ZNF385D: variants seen among roughly 807,000 people sequenced by gnomAD.
ZNF385D encodes the protein zinc finger protein 385D, also known as zinc finger protein 659.
In ZNF385D, 15 loss-of-function variants were observed where a neutral mutation model predicts 35.8. The observed-to-expected ratio is 0.42, with a 90% CI of 0.28 to 0.64. The LOEUF (loss-of-function observed/expected upper bound fraction) is 0.64, where lower values mean the gene tolerates loss of function less well. Ranked by LOEUF, ZNF385D falls within the 30% of genes least tolerant of loss-of-function variation. The pLI is 0.23. For synonymous variants in ZNF385D, 212 were observed against 186.8 expected (o/e 1.13, Z -1.10); for missense variants, 474 against 494.6 (o/e 0.96, Z 0.39).
intron 3 of ZNF385D, among the ~76,000 whole-genome samples, chr3:22,127,219 T>A (rs1576365360): frequency 6.6e-6 from 1 of 151,960 alleles, no homozygotes; most frequent in Non-Finnish European, 1.5e-5. Flanking sequence ...TTGTTATTTC[T>A]TTTCTGGTTG....
At chr3:21,914,381 C>CTTTTTTTT (rs5847151) in intron 3 of ZNF385D, among the ~76,000 whole-genome samples, 1 of 138,732 alleles carries the variant, frequency 7.2e-6, no homozygotes, top group Non-Finnish European at 1.6e-5. Context: ...TTTTGTTTGA[C>CTTTTTTTT]TTTTTTTTTT....
chr3:21,956,422 A>G (rs1702291776), intron 3 of ZNF385D, among the ~76,000 whole-genome samples: 1 of 140,840 alleles, frequency 7.1e-6, no homozygotes, highest in African/African-American at 2.5e-5. Context: ...TTAAAATGAT[A>G]AAGTTTGAGT....
chr3:22,144,400 C>A (rs1427468755), intron 3 of ZNF385D, among the ~76,000 whole-genome samples: 1 of 151,396 alleles, frequency 6.6e-6, no homozygotes, highest in Non-Finnish European at 1.5e-5. Context: ...AGGGTGAAAC[C>A]CCCTCTCTAT....
chr3:22,149,893 T>G (rs7629585), intron 3 of ZNF385D, among the ~76,000 whole-genome samples: 3,726 of 152,292 alleles, frequency 0.024, 163 homozygotes, highest in African/African-American at 0.085. Context: ...AAGTATTTTT[T>G]GTATGTAAGA....
intron 2 of ZNF385D, among the ~76,000 whole-genome samples, chr3:21,573,800 A>G (rs1006833621): frequency 1.8e-4 from 27 of 152,078 alleles, no homozygotes; most frequent in Non-Finnish European, 4.4e-5. Flanking sequence ...TGGCTCACCC[A>G]TGTAATCCCA....
intron 2 of ZNF385D, among the ~76,000 whole-genome samples, chr3:22,173,579 G>C (rs1015143986): frequency 9.2e-5 from 14 of 152,174 alleles, no homozygotes; most frequent in Non-Finnish European, 1.3e-4. Context: ...GGAAAGAACT[G>C]AGAAAGAAAC....
At chr3:22,169,314 T>C (rs900217690) in intron 2 of ZNF385D, among the ~76,000 whole-genome samples, 6 of 152,328 alleles carry the variant, frequency 3.9e-5, no homozygotes, top group Middle Eastern at 6.8e-3. Flanking sequence ...AGCACTATAG[T>C]ATTCCCTTTT....
At chr3:22,205,785 A>T (rs552694122) in intron 2 of ZNF385D, among the ~76,000 whole-genome samples, 35 of 152,108 alleles carry the variant, frequency 2.3e-4, no homozygotes, top group Non-Finnish European at 4.3e-4. Flanking sequence ...AAAAAATTAA[A>T]ACATAGTACC....
intron 4 of ZNF385D, among the ~76,000 whole-genome samples, chr3:21,499,519 A>C (rs1475013698): frequency 6.6e-6 from 1 of 152,104 alleles, no homozygotes; most frequent in Admixed American, 6.5e-5. Context: ...GAAAAACTAC[A>C]TATTGGGTAC....
intron 2 of ZNF385D, among the ~76,000 whole-genome samples, chr3:22,171,071 C>T (rs377746663): frequency 6.6e-6 from 1 of 152,058 alleles, no homozygotes; most frequent in Non-Finnish European, 1.5e-5. Context: ...TTTCCTTTAG[C>T]ATTTCTGTAT....
chr3:22,335,441 A>G (rs1226288272), intron 2 of ZNF385D, among the ~76,000 whole-genome samples: 1 of 152,188 alleles, frequency 6.6e-6, no homozygotes, highest in Non-Finnish European at 1.5e-5. Flanking sequence ...AGTTCAGATA[A>G]TCATAGAATT....
At chr3:22,189,731 T>C (rs1365764955) in intron 2 of ZNF385D, among the ~76,000 whole-genome samples, 1 of 152,160 alleles carries the variant, frequency 6.6e-6, no homozygotes, top group East Asian at 1.9e-4. Context: ...CCTTGTATGT[T>C]AGGTGATAAC....
At chr3:21,461,808 C>G (rs1309284132) in intron 4 of ZNF385D, among the ~76,000 whole-genome samples, 10 of 152,172 alleles carry the variant, frequency 6.6e-5, no homozygotes, top group Non-Finnish European at 1.5e-4. Flanking sequence ...GGTCTCTTGA[C>G]AATTTGCTTA....
intron 3 of ZNF385D, among the ~76,000 whole-genome samples, chr3:21,801,686 T>A (rs920733243): frequency 6.6e-6 from 1 of 152,158 alleles, no homozygotes; most frequent in Non-Finnish European, 1.5e-5. Flanking sequence ...GCAGCTGATA[T>A]GGCTTAGGGA....
At chr3:22,326,647 A>G (rs1182032539) in intron 2 of ZNF385D, among the ~76,000 whole-genome samples, 2 of 152,220 alleles carry the variant, frequency 1.3e-5, no homozygotes, top group East Asian at 3.9e-4. Context: ...AAAATATGAC[A>G]GGTAACACTT....
In ZNF385D at chr3:22,148,599, C is replaced by T. The variant is rs541589526; in HGVS notation, c.325+20218G>A. 7.9e-5 allele frequency among the ~76,000 whole-genome samples: 12 copies of T among 152,252 alleles called. 1 individual carries two copies. The South Asian group carries it at 2.5e-3, about 32-fold the overall frequency. ...CAGTTTATCTTCAAAAGAGGAGCTG[C>T]TCTTGAAAAATAGCGTGACAAGTTT... is the stretch of plus-strand genomic sequence containing the variant. On this transcript the variant is annotated intron_variant, in intron 3 of 5. Coordinates refer to the ZNF385D transcript ENST00000494108.
At chr3:21,757,664 A>G (rs1033637049) in intron 3 of ZNF385D, among the ~76,000 whole-genome samples, 3 of 152,222 alleles carry the variant, frequency 2.0e-5, no homozygotes, top group African/African-American at 7.2e-5. Context: ...ACACCTCTGT[A>G]TACATGGAGC....
chr3:21,917,421 T>C (rs1368162291), intron 3 of ZNF385D, among the ~76,000 whole-genome samples: 1 of 141,510 alleles, frequency 7.1e-6, no homozygotes, highest in Non-Finnish European at 1.5e-5. Context: ...AACAGAGTGA[T>C]ACTCCGTCTC....
intron 1 of ZNF385D, among the ~76,000 whole-genome samples, chr3:21,703,079 T>A (rs2067752919): frequency 6.6e-6 from 1 of 152,086 alleles, no homozygotes; most frequent in Non-Finnish European, 1.5e-5. Context: ...TGGTACCAAT[T>A]TACTGTATTA....
Sources: allele counts gnomAD v4.1 joint callset (sites outside exome capture counted in the v4.1 genomes callset), GRCh38; gene constraint gnomAD v4.1.1; transcripts MANE v1.5; gene names NCBI Gene and HGNC (gene_info 2026-07-23, HGNC 2026-07-21).